THSD7B: variants seen among roughly 807,000 people sequenced by gnomAD.
The protein encoded by THSD7B is thrombospondin type 1 domain containing 7B.
In THSD7B, 138 loss-of-function variants were observed where a neutral mutation model predicts 213.6. That is an observed-to-expected ratio of 0.65 (90% CI 0.56 to 0.74). THSD7B has a LOEUF of 0.74. THSD7B is among the 30% of genes least tolerant of loss of function. THSD7B has a pLI of 0.00. For synonymous variants in THSD7B, 742 were observed against 687.0 expected, an observed-to-expected ratio of 1.08 and a Z score of -1.25; for missense variants, 1,931 against 1,991.5, an observed-to-expected ratio of 0.97 and a Z score of 0.58.
chr2:137,285,799 C>G (rs368167210), intron 12 of THSD7B, among the ~76,000 whole-genome samples: 1 of 151,866 alleles, frequency 6.6e-6, no homozygotes, highest in Non-Finnish European at 1.5e-5. Context: ...AATATGTGAT[C>G]GAATCATTAA....
At chr2:136,861,659 CT>C (rs1169617605) in intron 1 of THSD7B, among the ~76,000 whole-genome samples, 1 of 152,212 alleles carries the variant, frequency 6.6e-6, no homozygotes, top group African/African-American at 2.4e-5. Flanking sequence ...CTGACTCTCC[CT>C]TTTTATCTTC....
Position 136,988,019 on chromosome 2 carries a change from A to G in THSD7B, c.140-68401A>G, listed in dbSNP as rs529338439. 2.6e-5 allele frequency among the ~76,000 whole-genome samples: 4 copies of G among 152,354 alleles called. No homozygotes were observed. In the South Asian group the frequency reaches 8.3e-4, roughly 32 times the overall value. ...AACAAAACCTTTATTGAAATATAAT[A>G]TGCATTCCATAAAATTCACCCAATT... is the stretch of plus-strand genomic sequence containing the variant. On this transcript the variant is annotated intron_variant, in intron 2 of 27. Coordinates refer to ENST00000409968, the MANE Select transcript of THSD7B (RefSeq NM_001316349.2).
At chr2:136,926,415 C>T (rs1165975250) in intron 2 of THSD7B, among the ~76,000 whole-genome samples, 1 of 151,916 alleles carries the variant, frequency 6.6e-6, no homozygotes, top group Non-Finnish European at 1.5e-5. Context: ...AAAAATTGGC[C>T]AGTGCAGTGG....
At chr2:137,505,861 A>T (rs1679822216) in intron 15 of THSD7B, among the ~76,000 whole-genome samples, 1 of 152,204 alleles carries the variant, frequency 6.6e-6, no homozygotes. Flanking sequence ...ATGGTTTTCC[A>T]GGGAAGAAAT....
At chr2:136,766,450 C>T (rs1310201506) in intron 1 of THSD7B, among the ~76,000 whole-genome samples, 2 of 152,100 alleles carry the variant, frequency 1.3e-5, no homozygotes, top group Non-Finnish European at 2.9e-5. Context: ...CATCGCCCAT[C>T]TGCACCTGTC....
At chr2:137,405,198 CAA>C (rs34776165) in intron 12 of THSD7B, among the ~76,000 whole-genome samples, 16 of 140,310 alleles carry the variant, frequency 1.1e-4, no homozygotes, top group African/African-American at 2.4e-4. Flanking sequence ...TCTAAACAAG[CAA>C]AAAAAAAAAA....
intron 15 of THSD7B, among the ~76,000 whole-genome samples, chr2:137,492,730 A>G (rs1199619678): frequency 6.6e-6 from 1 of 152,218 alleles, no homozygotes; most frequent in Non-Finnish European, 1.5e-5. Flanking sequence ...AAAGCACCAC[A>G]CATAGTATTT....
At chr2:137,622,698 C>A (rs1451738465) in intron 20 of THSD7B, among the ~76,000 whole-genome samples, 2 of 152,264 alleles carry the variant, frequency 1.3e-5, no homozygotes, top group East Asian at 3.9e-4. Context: ...ATACTATAAA[C>A]ACCTCTATGC....
chr2:136,862,014 G>A (rs1359546121), intron 1 of THSD7B, among the ~76,000 whole-genome samples: 1 of 152,206 alleles, frequency 6.6e-6, no homozygotes, highest in African/African-American at 2.4e-5. Flanking sequence ...ACTCTTAATA[G>A]AATTGCTGGA....
chr2:137,364,720 A>C (rs968056848), intron 12 of THSD7B, among the ~76,000 whole-genome samples: 1 of 152,180 alleles, frequency 6.6e-6, no homozygotes, highest in Non-Finnish European at 1.5e-5. Flanking sequence ...ACTACAAACC[A>C]CTGCTCAATA....
intron 3 of THSD7B, among the ~76,000 whole-genome samples, chr2:137,067,125 T>A (rs1045676752): frequency 6.6e-6 from 1 of 152,148 alleles, no homozygotes; most frequent in African/African-American, 2.4e-5. Context: ...TTTAGTATGT[T>A]AATCACAGTT....
intron 3 of THSD7B, among the ~76,000 whole-genome samples, chr2:137,087,032 A>G (rs1687854288): frequency 1.3e-5 from 2 of 152,212 alleles, no homozygotes; most frequent in South Asian, 4.1e-4. Context: ...ATAAATTGCC[A>G]TGTATTCATA....
At chr2:137,333,824 C>T (rs1473288794) in intron 12 of THSD7B, among the ~76,000 whole-genome samples, 1 of 152,140 alleles carries the variant, frequency 6.6e-6, no homozygotes, top group Non-Finnish European at 1.5e-5. Context: ...GCTACAGCAG[C>T]CACAATAAGA....
In THSD7B at chr2:137,156,820, C is replaced by G. The variant is rs780012256; in HGVS notation, c.1370-3393C>G. 1.6e-4 allele frequency among the ~76,000 whole-genome samples: 25 copies of G among 152,126 alleles called. 1 individual carries two copies. Among genetic ancestry groups the G allele is most frequent in the Middle Eastern group, 3.4e-3 (1 of 292 alleles). ...CCTACTGTGTGCCTGAGAGTTGCTC[C>G]GGTTGATTGAGTACTTTGAACTGCA... On this transcript the variant is annotated intron_variant, in intron 5 of 27. Coordinates refer to ENST00000409968, the MANE Select transcript of THSD7B (RefSeq NM_001316349.2).
chr2:137,659,761 G>A lies in THSD7B; in HGVS notation c.4458+15G>A. On this transcript the variant is annotated intron_variant, in intron 25 of 27. Coordinates refer to ENST00000409968, the MANE Select transcript of THSD7B (RefSeq NM_001316349.2). The stretch of plus-strand genomic sequence containing the variant: ...ACTGTACACAGGTGAGTCATGTGCT[G>A]GAGTCTTCTATAAGTGCATTAATTG... 1.3e-6 allele frequency: 2 copies of A among 1,588,360 alleles called. No homozygotes were observed. The highest frequency in any genetic ancestry group is 1.2e-5 in the South Asian group (1 of 86,670).
chr2:137,220,743 T>G (rs1681348960), intron 7 of THSD7B, among the ~76,000 whole-genome samples: 1 of 152,146 alleles, frequency 6.6e-6, no homozygotes. Context: ...AGCAGCTTTA[T>G]GCACAATCGC....
chr2:136,984,452 T>C (rs1025781952), intron 2 of THSD7B, among the ~76,000 whole-genome samples: 18 of 152,192 alleles, frequency 1.2e-4, no homozygotes, highest in Non-Finnish European at 1.8e-4. Flanking sequence ...GCTCCTTCTC[T>C]TGCTCCTGCT....
intron 5 of THSD7B, among the ~76,000 whole-genome samples, chr2:137,152,753 A>G (rs1022091821): frequency 2.6e-5 from 4 of 152,200 alleles, no homozygotes; most frequent in African/African-American, 7.2e-5. Flanking sequence ...TATAAGTTAC[A>G]AAGTGCTGGG....
In THSD7B at chr2:137,662,519, C is replaced by T. The variant is rs375298564; in HGVS notation, c.4459-864C>T. ...ACATTCCTGGTGGGGGACCCTTCTC[C>T]TGCCCTGCTTATGTCTTCTTAGCTA... On this transcript the variant is annotated intron_variant, in intron 25 of 27. Transcript: ENST00000409968. Among the ~76,000 whole-genome samples the T allele has an allele frequency of 1.3e-4, 20 of 152,208 alleles. No individual in the cohort carries two copies. In the East Asian group the frequency reaches 3.3e-3, roughly 25 times the overall value.
Sources: gnomAD v4.1 joint callset for allele counts (sites outside exome capture counted in the v4.1 genomes callset) on GRCh38, gnomAD v4.1.1 for gene constraint, MANE v1.5 for transcripts, NCBI Gene and HGNC (gene_info 2026-07-23, HGNC 2026-07-21) for gene names.